Variants in TFAP2C observed in about 807,000 individuals in gnomAD.
The protein encoded by TFAP2C is activating enhancer-binding protein 2 gamma.
Under a neutral mutation model 42.9 loss-of-function variants are expected in TFAP2C, and 9 were observed. That is an observed-to-expected ratio of 0.21 (90% CI 0.13 to 0.37). TFAP2C has a LOEUF of 0.37. Among genes scored for constraint, TFAP2C ranks in the 10% least tolerant of loss-of-function variants. The pLI, the probability that TFAP2C is intolerant of heterozygous loss-of-function variation, is 1.00. For synonymous variants in TFAP2C, 264 were observed against 256.0 expected (o/e 1.03, Z -0.30); for missense variants, 462 against 591.7 (o/e 0.78, Z 2.27).
Position 56,638,016 on chromosome 20 carries a change from T to C in TFAP2C, c.*3T>C. 1 of 1,611,284 alleles carries C rather than the reference T, an allele frequency of 6.2e-7. No homozygotes were observed. Among genetic ancestry groups the C allele is most frequent in the Non-Finnish European group, 8.5e-7 (1 of 1,178,320 alleles). The stretch of plus-strand genomic sequence containing the variant: ...AAATGGAGAAACACAGGAAATAAAA[T>C]TGGAACGAAGAAAGGTTAGGAGAGT... On this transcript the variant is annotated 3_prime_UTR_variant, in exon 7 of 7. Transcript: ENST00000201031.
In TFAP2C at chr20:56,631,949, G is replaced by A. The variant is rs576067943; in HGVS notation, c.586+93G>A. On this transcript the variant is annotated intron_variant, in intron 3 of 6. Transcript: ENST00000201031. This position sits in a 1 kb window ranked among gnomAD's most constrained non-coding sequence, Gnocchi z 6.1. ...GTTGGGGGTATTTGGTGGCCAGCGT[G>A]GGACATTTGTGGTAGAAGGGACTGA... The A allele has an allele frequency of 7.0e-7, 1 of 1,431,122 alleles. No homozygotes were observed. Among genetic ancestry groups the A allele is most frequent in the East Asian group, 2.3e-5 (1 of 43,970 alleles). The allele number at this position is 1,431,122 out of a possible 1,614,324, so 88.7% of individuals were successfully genotyped here. A position where few individuals can be genotyped will look rare whatever the true frequency, so the allele number is the denominator to read the frequency against.
rs1162154084 is a variant in TFAP2C, at chr20:56,630,395, T to C, written c.48+803T>C. On this transcript the variant is annotated intron_variant, in intron 1 of 6. Coordinates refer to ENST00000201031, the MANE Select transcript of TFAP2C (RefSeq NM_003222.4). The surrounding 1 kb of genome is among the most constrained non-coding windows in gnomAD (Gnocchi z 5.1). ...CAGGTTCCCGGCGCCCCGAGACCCC[T>C]GGGCAGATGGGGACGCATCCTTTAG... is the stretch of plus-strand genomic sequence containing the variant. The C allele has an allele frequency of 4.3e-6, 2 of 460,496 alleles. No homozygotes were observed. Among genetic ancestry groups the C allele is most frequent in the Non-Finnish European group, 9.0e-6 (2 of 222,698 alleles). 28.5% of individuals were successfully genotyped at this position (460,496 alleles called of 1,614,324 possible). A position where few individuals can be genotyped will look rare whatever the true frequency, so the allele number is the denominator to read the frequency against.
At position 56,631,954 on chromosome 20, in the gene TFAP2C, A is replaced by G. The variant is rs1987501959; in HGVS notation, c.586+98A>G. 1.4e-6 allele frequency: 2 copies of G among 1,380,730 alleles called. No homozygotes were observed. The highest frequency in any genetic ancestry group is 1.0e-6 in the Non-Finnish European group (1 of 971,042). 85.5% of individuals were successfully genotyped at this position (1,380,730 alleles called of 1,614,324 possible). A position where few individuals can be genotyped will look rare whatever the true frequency, so the allele number is the denominator to read the frequency against. Reference sequence around the variant, plus strand: ...GGGTATTTGGTGGCCAGCGTGGGACATTTGTGGTAGAAGGGACTGAAAGGG... The same window carrying G: ...GGGTATTTGGTGGCCAGCGTGGGACGTTTGTGGTAGAAGGGACTGAAAGGG... On this transcript the variant is annotated intron_variant, in intron 3 of 6. Coordinates refer to ENST00000201031, the MANE Select transcript of TFAP2C (RefSeq NM_003222.4). This position sits in a 1 kb window ranked among gnomAD's most constrained non-coding sequence, Gnocchi z 6.1.
Position 56,631,599 on chromosome 20 carries a change from T to A in TFAP2C, c.443T>A (p.Leu148Gln), listed in dbSNP as rs1169805343. Residue 148 changes from leucine to glutamine, a missense_variant, in exon 2 of 7, where the codon CTG becomes CAG. Around this residue, in one of 5 missense-constraint regions of TFAP2C, gnomAD observed 271 missense variants for 269.7 expected, o/e 1.00. Coordinates refer to ENST00000201031, the MANE Select transcript of TFAP2C (RefSeq NM_003222.4). The surrounding 1 kb of genome is among the most constrained non-coding windows in gnomAD (Gnocchi z 6.1). ...AGGGATGCCTACCGCCGCTCCGACC[T>A]GCTGCTGCCCCACGCACACGCCCTG... is the stretch of plus-strand genomic sequence containing the variant. Reference protein sequence around the residue: ...ARRDAYRRSDLLLPHAHALDA... With the variant: ...ARRDAYRRSDQLLPHAHALDA... 6.4e-7 allele frequency: 1 copy of A among 1,555,780 alleles called. No homozygotes were observed. Among genetic ancestry groups the A allele is most frequent in the Middle Eastern group, 1.7e-4 (1 of 5,740 alleles).
chr20:56,637,603 C>A, intron 6 of TFAP2C, 125 bp from the exon 7 acceptor site: 1 of 806,262 alleles, frequency 1.2e-6, no homozygotes. Context: ...GTATTAAATT[C>A]TCCTTCCTCG....
chr20:56,631,873 C>CT lies in TFAP2C; in HGVS notation c.586+17_586+18insT. 1.2e-6 allele frequency: 2 copies of CT among 1,614,066 alleles called. No individual in the cohort carries two copies. Among genetic ancestry groups the CT allele is most frequent in the Non-Finnish European group, 1.7e-6 (2 of 1,179,928 alleles). ...TTCGCAAAGGTAAATAGCAAGGTGG[C>CT]ATCGTCTAACTCTGGTCACACGATC... On this transcript the variant is annotated intron_variant, in intron 3 of 6. Coordinates refer to ENST00000201031, the MANE Select transcript of TFAP2C (RefSeq NM_003222.4). The surrounding 1 kb of genome is among the most constrained non-coding windows in gnomAD (Gnocchi z 6.1).
rs1241032185 is a variant in TFAP2C at position 56,631,781 on chromosome 20, G to A, written c.535-24G>A. 1.1e-5 allele frequency: 18 copies of A among 1,614,094 alleles called. No individual in the cohort carries two copies. Among genetic ancestry groups the A allele is most frequent in the Non-Finnish European group, 1.5e-5 (18 of 1,180,010 alleles). On this transcript the variant is annotated intron_variant, in intron 2 of 6. Transcript: ENST00000201031. This position sits in a 1 kb window ranked among gnomAD's most constrained non-coding sequence, Gnocchi z 6.1. ...TCCTCTAGGCTCCCCCGAACTTAAG[G>A]GAATTTTGTCCTCTCTCCCCCAGAA... is the stretch of plus-strand genomic sequence containing the variant.
Position 56,629,343 on chromosome 20 carries a change from G to A in TFAP2C, c.-202G>A, listed in dbSNP as rs558182717. On this transcript the variant is annotated 5_prime_UTR_variant, in exon 1 of 7. Coordinates refer to ENST00000201031, the MANE Select transcript of TFAP2C (RefSeq NM_003222.4). This position sits in a 1 kb window ranked among gnomAD's most constrained non-coding sequence, Gnocchi z 5.9. ...TCGGGCGCGGCTTTCCCCGTCCGCG[G>A]AGCGGTCTTGACACTCGCGGCGGCA... is the stretch of plus-strand genomic sequence containing the variant. The A allele has an allele frequency of 3.9e-5, 16 of 410,290 alleles. No individual in the cohort carries two copies. In the South Asian group the frequency reaches 1.4e-3, roughly 37 times the overall value. The allele number at this position is 410,290 out of a possible 1,614,324, so 25.4% of individuals were successfully genotyped here. A position where few individuals can be genotyped will look rare whatever the true frequency, so the allele number is the denominator to read the frequency against.
At chr20:56,636,557 A>G (rs889202495) in intron 5 of TFAP2C, 53 bp from the exon 6 acceptor site, 1 of 1,543,696 alleles carries the variant, frequency 6.5e-7, no homozygotes, top group African/African-American at 1.4e-5. Context: ...GGAAAAGGGC[A>G]GTTTGGCCTC....
In TFAP2C at chr20:56,630,696, A is replaced by G. The variant is rs990437025; in HGVS notation, c.49-509A>G. ...GGAGGTCTTTGTCCCGAGGGCGTGGAAGGGAGGGTCCCGGGGGCGGGGGAG... is the reference window on the plus strand; with the variant it reads ...GGAGGTCTTTGTCCCGAGGGCGTGGGAGGGAGGGTCCCGGGGGCGGGGGAG... On this transcript the variant is annotated intron_variant, in intron 1 of 6. Transcript: ENST00000201031. The surrounding 1 kb of genome is among the most constrained non-coding windows in gnomAD (Gnocchi z 5.1). The G allele has an allele frequency of 2.0e-6, 2 of 985,040 alleles. No homozygotes were observed. Among genetic ancestry groups the G allele is most frequent in the Non-Finnish European group, 2.4e-6 (2 of 829,828 alleles). The allele number at this position is 985,040 out of a possible 1,614,324, so 61.0% of individuals were successfully genotyped here.
rs1053253864 is a variant in TFAP2C at position 56,634,823 on chromosome 20, G to T, written c.922+555G>T. Among the ~76,000 whole-genome samples the T allele has an allele frequency of 2.0e-5, 3 of 152,322 alleles. No homozygotes were observed. The South Asian group carries it at 6.2e-4, about 32-fold the overall frequency. ...CCTGGCCCACGCACAAGTTCCTCTT[G>T]CCAGTGCTAAGATAGTAGGACATAG... On this transcript the variant is annotated intron_variant, in intron 5 of 6. Coordinates refer to ENST00000201031, the MANE Select transcript of TFAP2C (RefSeq NM_003222.4).
At chr20:56,633,792 G>C (rs1987537649) in intron 4 of TFAP2C, among the ~76,000 whole-genome samples, 1 of 152,198 alleles carries the variant, frequency 6.6e-6, no homozygotes, top group Non-Finnish European at 1.5e-5. Context: ...TTGATCCCAT[G>C]TATGAAGTGA....
chr20:56,634,434 T>G (rs920419253), intron 5 of TFAP2C, among the ~76,000 whole-genome samples, 166 bp downstream of exon 5: 10 of 152,220 alleles, frequency 6.6e-5, no homozygotes, highest in Non-Finnish European at 1.3e-4. Context: ...ACAGTTAATT[T>G]TATCGAATAA....
Position 56,629,688 on chromosome 20 carries a change from C to A in TFAP2C, c.48+96C>A. On this transcript the variant is annotated intron_variant, in intron 1 of 6. Coordinates refer to ENST00000201031, the MANE Select transcript of TFAP2C (RefSeq NM_003222.4). The surrounding 1 kb of genome is among the most constrained non-coding windows in gnomAD (Gnocchi z 5.9). ...AGGTCGGGGACGAGGGCATAGGAGC[C>A]CTGGCCTCTCGGTGGGACGGGATCC... The A allele has an allele frequency of 2.0e-6, 2 of 980,114 alleles. No homozygotes were observed. The highest frequency in any genetic ancestry group is 3.2e-5 in the South Asian group (1 of 30,976). 60.7% of individuals were successfully genotyped at this position (980,114 alleles called of 1,614,324 possible).
In TFAP2C at chr20:56,634,225, G is replaced by A; in HGVS notation, c.879G>A (p.Arg293=). 1 of 1,614,200 alleles carries A rather than the reference G, an allele frequency of 6.2e-7. No homozygotes were observed. Among genetic ancestry groups the A allele is most frequent in the Non-Finnish European group, 8.5e-7 (1 of 1,180,006 alleles). Residue 293 remains arginine (R), a synonymous_variant, in exon 5 of 7, where the codon AGG becomes AGA. Coordinates refer to ENST00000201031, the MANE Select transcript of TFAP2C (RefSeq NM_003222.4). ...TTGGGTTGAATCTTCCGGCCGGGAG[G>A]CGGAAAGCCGCTCATGTGACTCTCC... ...DKIGLNLPAG[R]RKAAHVTLLT...
In TFAP2C at chr20:56,629,626, G is replaced by A; in HGVS notation, c.48+34G>A. 2.1e-6 allele frequency: 3 copies of A among 1,395,764 alleles called. No individual in the cohort carries two copies. The highest frequency in any genetic ancestry group is 1.9e-5 in the South Asian group (1 of 53,482). 86.5% of individuals were successfully genotyped at this position (1,395,764 alleles called of 1,614,324 possible). A position where few individuals can be genotyped will look rare whatever the true frequency, so the allele number is the denominator to read the frequency against. On this transcript the variant is annotated intron_variant, in intron 1 of 6. Transcript: ENST00000201031. This position sits in a 1 kb window ranked among gnomAD's most constrained non-coding sequence, Gnocchi z 5.9. The stretch of plus-strand genomic sequence containing the variant: ...GGGCTCCGGGGTGCAGCCCCGCCCC[G>A]CCGAGGACAGTCCGGGAGGCAGGGG...
In TFAP2C at chr20:56,638,228, CAG is replaced by C. The variant is rs1351922017; in HGVS notation, c.*217_*218del. The C allele has an allele frequency of 1.9e-6, 1 of 525,390 alleles. No homozygotes were observed. Among genetic ancestry groups the C allele is most frequent in the Non-Finnish European group, 3.3e-6 (1 of 298,894 alleles). The allele number at this position is 525,390 out of a possible 1,614,324, so 32.5% of individuals were successfully genotyped here. A position where few individuals can be genotyped will look rare whatever the true frequency, so the allele number is the denominator to read the frequency against. On this transcript the variant is annotated 3_prime_UTR_variant, in exon 7 of 7. Coordinates refer to ENST00000201031, the MANE Select transcript of TFAP2C (RefSeq NM_003222.4). ...TATCTCCTAACTTTGGACCTATTAT[CAG>C]AAGGTGACAAGTACTGGCTCTTTAT...
chr20:56,637,956 C>A lies in TFAP2C; in HGVS notation c.1296C>A (p.Asp432Glu), dbSNP rs773443436. ...ACAAATCCTACATGAACCCTGGAGA[C>A]CAGAGTCCAGCTGATTCTAACAAAA... ...VIDKSYMNPGDQSPADSNKTL... is the reference protein window; with the variant it reads ...VIDKSYMNPGEQSPADSNKTL... The change falls in exon 7 of 7, where the codon GAC (aspartate) becomes GAA (glutamate). Residue 432 changes from aspartate to glutamate, a missense_variant. This residue lies in a region of TFAP2C where 130 missense variants were observed against 160.8 expected (regional missense o/e 0.81). Transcript: ENST00000201031. The A allele has an allele frequency of 6.2e-7, 1 of 1,613,880 alleles. No homozygotes were observed. The highest frequency in any genetic ancestry group is 8.5e-7 in the Non-Finnish European group (1 of 1,179,928).
chr20:56,636,802 T>C, intron 6 of TFAP2C, 48 bp downstream of exon 6: 1 of 1,565,636 alleles, frequency 6.4e-7, no homozygotes, highest in Non-Finnish European at 8.6e-7. Flanking sequence ...CTCTAGACCT[T>C]GAGGTTGAGA....
Sources: allele counts gnomAD v4.1 joint callset (sites outside exome capture counted in the v4.1 genomes callset), GRCh38; gene constraint gnomAD v4.1.1; regional missense constraint gnomAD v4.1.1; non-coding constraint Gnocchi (gnomAD v3.1); transcripts MANE v1.5; gene names NCBI Gene and HGNC (gene_info 2026-07-23, HGNC 2026-07-21).